SVEP1: variants seen among roughly 807,000 people sequenced by gnomAD.
The protein encoded by SVEP1 is sushi, von Willebrand factor type A, EGF and pentraxin domain containing 1.
SVEP1 carries 164 observed loss-of-function variants against 367.3 expected under a neutral mutation model. That is an observed-to-expected ratio of 0.45 (90% CI 0.39 to 0.51). The LOEUF is 0.51. SVEP1 is among the 20% of genes least tolerant of loss of function. The pLI, the probability that SVEP1 is intolerant of heterozygous loss-of-function variation, is 0.00. For synonymous variants in SVEP1, 1,666 were observed against 1,611.6 expected, an observed-to-expected ratio of 1.03 and a Z score of -0.81; for missense variants, 4,117 against 4,425.3, an observed-to-expected ratio of 0.93 and a Z score of 1.98.
intron 40 of SVEP1, among the ~76,000 whole-genome samples, chr9:110,390,798 A>G (rs1035178797): frequency 6.6e-6 from 1 of 152,232 alleles, no homozygotes; most frequent in Admixed American, 6.5e-5. Flanking sequence ...AGGTATTTGC[A>G]TTAAAAAAAA....
At chr9:110,536,750 G>A (rs180931038) in intron 3 of SVEP1, among the ~76,000 whole-genome samples, 4 of 151,774 alleles carry the variant, frequency 2.6e-5, no homozygotes, top group African/African-American at 9.7e-5. Flanking sequence ...ATAACGTGTA[G>A]GTTTGTTACA....
At chr9:110,428,323 C>T (rs1052856394) in intron 35 of SVEP1, among the ~76,000 whole-genome samples, 1 of 151,910 alleles carries the variant, frequency 6.6e-6, no homozygotes, top group African/African-American at 2.4e-5. Context: ...TCTCTTCACT[C>T]GATCTGTTCC....
chr9:110,414,295 T>C (rs369922682), intron 36 of SVEP1, among the ~76,000 whole-genome samples: 1 of 152,020 alleles, frequency 6.6e-6, no homozygotes, highest in East Asian at 1.9e-4. Context: ...ATTTATGAAA[T>C]CTATAAGAGA....
At chr9:110,414,799 C>G (rs181774764) in intron 36 of SVEP1, among the ~76,000 whole-genome samples, 1 of 151,838 alleles carries the variant, frequency 6.6e-6, no homozygotes, top group African/African-American at 2.4e-5. Context: ...GATATTTAAA[C>G]GGCTGCAATT....
chr9:110,512,659 G>T, intron 5 of SVEP1: 1 of 475,982 alleles, frequency 2.1e-6, no homozygotes, highest in Non-Finnish European at 3.8e-6. Context: ...CTTGAAATTT[G>T]AGGTTTGGGG....
At chr9:110,458,644 G>C (rs1467072907) in intron 19 of SVEP1, 82 bp from the exon 20 acceptor site, 1 of 1,361,542 alleles carries the variant, frequency 7.3e-7, no homozygotes, top group Non-Finnish European at 1.0e-6. Flanking sequence ...TCAAGATTCT[G>C]GTTGTCAGAG....
chr9:110,386,125 T>G, intron 42 of SVEP1, 51 bp from the exon 43 acceptor site: 2 of 1,567,238 alleles, frequency 1.3e-6, no homozygotes, highest in Admixed American at 3.7e-5. Flanking sequence ...CTTTTCCTAA[T>G]GTATTTCTTT....
At chr9:110,455,812 T>A in intron 21 of SVEP1, 109 bp from the exon 22 acceptor site, 1 of 550,672 alleles carries the variant, frequency 1.8e-6, no homozygotes, top group Non-Finnish European at 2.7e-6. Flanking sequence ...TTTAAATGGG[T>A]AGTGGTAAAG....
Position 110,469,106 on chromosome 9 carries a change from A to G in SVEP1, c.2999-5T>C. ...AGGTTCCCAAAGGGCAATTGACTAC[A>G]GAAAAAGCAAACAGGAAACACTGAA... On this transcript the variant is annotated splice_polypyrimidine_tract_variant and splice_region_variant and intron_variant, in intron 16 of 47. Transcript: ENST00000374469. 6.2e-7 allele frequency: 1 copy of G among 1,608,546 alleles called. No homozygotes were observed. Among genetic ancestry groups the G allele is most frequent in the Admixed American group, 1.7e-5 (1 of 59,248 alleles).
chr9:110,532,370 G>A (rs1378084676), intron 3 of SVEP1, among the ~76,000 whole-genome samples: 1 of 152,170 alleles, frequency 6.6e-6, no homozygotes, highest in East Asian at 1.9e-4. Context: ...GAAGGGATGA[G>A]AGGAAAGGTG....
At chr9:110,377,678 A>G (rs958171317) in intron 44 of SVEP1, among the ~76,000 whole-genome samples, 1 of 152,180 alleles carries the variant, frequency 6.6e-6, no homozygotes, top group Non-Finnish European at 1.5e-5. Flanking sequence ...TAATTAGCAC[A>G]TTCATCCCCT....
chr9:110,470,320 T>C (rs961129742), intron 16 of SVEP1, among the ~76,000 whole-genome samples: 1 of 152,176 alleles, frequency 6.6e-6, no homozygotes, highest in African/African-American at 2.4e-5. Flanking sequence ...CATTGAATTA[T>C]ACACTTTAAA....
intron 40 of SVEP1, among the ~76,000 whole-genome samples, chr9:110,400,251 C>G (rs1390927083): frequency 6.6e-6 from 1 of 152,210 alleles, no homozygotes; most frequent in African/African-American, 2.4e-5. Flanking sequence ...TGATTACCAG[C>G]AAGCCGAAAC....
intron 36 of SVEP1, among the ~76,000 whole-genome samples, chr9:110,413,713 T>C (rs1292535722): frequency 6.6e-6 from 1 of 151,922 alleles, no homozygotes; most frequent in Non-Finnish European, 1.5e-5. Flanking sequence ...GTTCTGTCAA[T>C]GAGATAGAAC....
Position 110,550,034 on chromosome 9 carries a change from C to G in SVEP1, c.602G>C (p.Gly201Ala), listed in dbSNP as rs1301735930. ...VFLITDGYSN[G>A]GDPRPIAASL... The stretch of plus-strand genomic sequence containing the variant: ...CGCTGCAATTGGTCTAGGGTCTCCC[C>G]CATTGGAATATCCATCAGTGATGAG... The change falls in exon 2 of 48, where the codon GGG becomes GCG. Residue 201 changes from glycine (G) to alanine (A), a missense_variant. By Grantham distance (60) the Gly-to-Ala change is moderately conservative. Coordinates refer to ENST00000374469, the MANE Select transcript of SVEP1 (RefSeq NM_153366.4). 6.2e-7 allele frequency: 1 copy of G among 1,614,038 alleles called. No homozygotes were observed.
intron 35 of SVEP1, 34 bp downstream of exon 35, chr9:110,429,109 T>G: frequency 6.7e-7 from 1 of 1,484,010 alleles, no homozygotes; most frequent in Non-Finnish European, 9.0e-7. Context: ...AACACAGTAT[T>G]GTAGAAAGCT....
intron 36 of SVEP1, 143 bp downstream of exon 36, chr9:110,427,448 A>C (rs1828272211): frequency 7.5e-6 from 7 of 931,092 alleles, no homozygotes; most frequent in Non-Finnish European, 1.1e-5. Context: ...CCGTCTCTGC[A>C]GGTAGGAAAT....
At chr9:110,558,673 G>T (rs1830385735) in intron 1 of SVEP1, among the ~76,000 whole-genome samples, 1 of 152,014 alleles carries the variant, frequency 6.6e-6, no homozygotes, top group South Asian at 2.1e-4. Context: ...AGAAACTAAT[G>T]CATGAAAACT....
intron 18 of SVEP1, among the ~76,000 whole-genome samples, chr9:110,461,713 AAG>A (rs1343989688): frequency 2.0e-5 from 3 of 152,340 alleles, no homozygotes; most frequent in Non-Finnish European, 4.4e-5. Context: ...GAGCTCAATG[AAG>A]AGATGGTAAT....
Sources: allele counts gnomAD v4.1 joint callset (sites outside exome capture counted in the v4.1 genomes callset), GRCh38; gene constraint gnomAD v4.1.1; transcripts MANE v1.5; gene names NCBI Gene and HGNC (gene_info 2026-07-23, HGNC 2026-07-21).